The following CDC73 variants were observed in gnomAD, a reference collection of about 807,000 sequenced individuals.
The protein encoded by CDC73 is parafibromin.
Under a neutral mutation model 83.7 loss-of-function variants are expected in CDC73, and 21 were observed. The observed-to-expected ratio is 0.25, with a 90% CI of 0.18 to 0.36. CDC73 has a LOEUF of 0.36. Ranked by LOEUF, CDC73 falls within the 10% of genes least tolerant of loss-of-function variation. CDC73 has a pLI of 1.00. For missense variants in CDC73, 342 were observed against 653.3 expected (o/e 0.52, Z 5.19); for synonymous variants, 224 against 212.9 (o/e 1.05, Z -0.45).
At chr1:193,161,630 ATATAATAT>A (rs1202255505) in intron 10 of CDC73, among the ~76,000 whole-genome samples, 1 of 22,042 alleles carries the variant, frequency 4.5e-5, no homozygotes, top group East Asian at 5.9e-4. Flanking sequence ...TATGATAGAT[ATATAATAT>A]ATTATATAAT....
intron 10 of CDC73, among the ~76,000 whole-genome samples, chr1:193,167,817 A>G (rs916353979): frequency 4.6e-5 from 7 of 151,966 alleles, no homozygotes; most frequent in African/African-American, 1.7e-4. Flanking sequence ...GTGCTTTGCC[A>G]TCTGATTTTA....
At chr1:193,160,636 T>C (rs1178111985) in intron 10 of CDC73, among the ~76,000 whole-genome samples, 2 of 152,120 alleles carry the variant, frequency 1.3e-5, no homozygotes, top group Non-Finnish European at 2.9e-5. Flanking sequence ...TTAAACATAT[T>C]TTATAACTTT....
intron 13 of CDC73, among the ~76,000 whole-genome samples, chr1:193,231,826 C>T (rs1677667694): frequency 6.6e-6 from 1 of 152,070 alleles, no homozygotes; most frequent in Admixed American, 6.5e-5. Context: ...TGCAAGTTCT[C>T]CTGTGCTTTT....
At chr1:193,209,417 T>C (rs563281602) in intron 11 of CDC73, among the ~76,000 whole-genome samples, 15 of 152,350 alleles carry the variant, frequency 9.8e-5, no homozygotes, top group African/African-American at 3.4e-4. Context: ...TAGAAACTAT[T>C]ATCTCTTTTA....
At chr1:193,134,436 C>T (rs560730929) in intron 3 of CDC73, among the ~76,000 whole-genome samples, 11 of 152,010 alleles carry the variant, frequency 7.2e-5, no homozygotes, top group African/African-American at 1.7e-4. Flanking sequence ...TTTGGGAGGC[C>T]GAGGCGGGCG....
intron 15 of CDC73, among the ~76,000 whole-genome samples, chr1:193,240,722 G>A (rs1677842407): frequency 6.6e-6 from 1 of 151,846 alleles, no homozygotes; most frequent in Admixed American, 6.6e-5. Context: ...TAATTGTTGA[G>A]TTTCTTGCAT....
At chr1:193,155,646 G>A (rs1328410486) in intron 10 of CDC73, among the ~76,000 whole-genome samples, 5 of 152,016 alleles carry the variant, frequency 3.3e-5, no homozygotes, top group Admixed American at 3.3e-4. Flanking sequence ...ATGTGATGAC[G>A]TGTGCATGTA....
chr1:193,146,690 G>A (rs1338173135), intron 7 of CDC73, among the ~76,000 whole-genome samples: 1 of 152,116 alleles, frequency 6.6e-6, no homozygotes, highest in East Asian at 1.9e-4. Flanking sequence ...TTTCAACATG[G>A]GTTTTAGAGG....
intron 15 of CDC73, among the ~76,000 whole-genome samples, chr1:193,240,100 A>G (rs1489960919): frequency 6.6e-6 from 1 of 152,148 alleles, no homozygotes; most frequent in African/African-American, 2.4e-5. Flanking sequence ...CATAAAAGTG[A>G]GAACATAGGA....
chr1:193,145,563 C>T (rs1422476635), intron 7 of CDC73, among the ~76,000 whole-genome samples: 1 of 152,020 alleles, frequency 6.6e-6, no homozygotes, highest in Non-Finnish European at 1.5e-5. Context: ...ATGAAATATG[C>T]TATTATGTTT....
intron 7 of CDC73, 89 bp downstream of exon 7, chr1:193,142,155 G>A: frequency 9.0e-7 from 1 of 1,110,162 alleles, no homozygotes; most frequent in Non-Finnish European, 1.4e-6. Flanking sequence ...GTTAAACTTT[G>A]CTTTTAGGTG....
At chr1:193,169,198 A>ACACCCATAC (rs551204459) in intron 10 of CDC73, among the ~76,000 whole-genome samples, 263 of 152,378 alleles carry the variant, frequency 1.7e-3, no homozygotes, top group African/African-American at 6.1e-3. Context: ...CTATTTAAAC[A>ACACCCATAC]CACCCATACC....
intron 13 of CDC73, among the ~76,000 whole-genome samples, chr1:193,215,349 A>G (rs984242070): frequency 4.6e-5 from 7 of 152,174 alleles, no homozygotes; most frequent in Admixed American, 3.3e-4. Flanking sequence ...TCTTATTCCT[A>G]AACAAAAATA....
rs535519594 is a variant in CDC73, at chr1:193,151,919, T to C, written c.908-461T>C. The stretch of plus-strand genomic sequence containing the variant: ...CTGTACTCCAGCCTAGGTGACAGAG[T>C]GAGACCCTGTCTCAAAAGAAAAAAT... On this transcript the variant is annotated intron_variant, in intron 9 of 16. Coordinates refer to ENST00000367435, the MANE Select transcript of CDC73 (RefSeq NM_024529.5). 2.1e-4 allele frequency among the ~76,000 whole-genome samples: 32 copies of C among 152,084 alleles called. No homozygotes were observed. In the South Asian group the frequency reaches 6.0e-3, roughly 29 times the overall value.
intron 14 of CDC73, 46 bp downstream of exon 14, chr1:193,233,200 A>G (rs1203852822): frequency 6.6e-7 from 1 of 1,520,648 alleles, no homozygotes; most frequent in Non-Finnish European, 9.1e-7. Context: ...TGTTGAACCC[A>G]AGAGAATGAA....
rs145259529 is a variant in CDC73, at chr1:193,244,935, T to A, written c.1418-4795T>A. Among the ~76,000 whole-genome samples, 33 of 152,340 alleles carry A rather than the reference T, an allele frequency of 2.2e-4. No homozygotes were observed. In the East Asian group the frequency reaches 5.6e-3, roughly 26 times the overall value. On this transcript the variant is annotated intron_variant, in intron 15 of 16. Coordinates refer to ENST00000367435, the MANE Select transcript of CDC73 (RefSeq NM_024529.5). ...ACTTTGTCTTGGTCACTATGTGTCT[T>A]TAGTGCCTACAATAATGCATAATGT...
chr1:193,237,158 C>T (rs1219757951), intron 15 of CDC73: 1 of 151,798 alleles, frequency 6.6e-6, no homozygotes, highest in African/African-American at 2.4e-5. Flanking sequence ...TCTCAATCTC[C>T]TGACCTTGTG....
At chr1:193,165,836 A>T (rs751501935) in intron 10 of CDC73, among the ~76,000 whole-genome samples, 8 of 152,200 alleles carry the variant, frequency 5.3e-5, no homozygotes, top group Non-Finnish European at 8.8e-5. Flanking sequence ...TTTGGTCTGT[A>T]AGGAACAACC....
chr1:193,128,379 ACCCT>A, intron 2 of CDC73, among the ~76,000 whole-genome samples: 1 of 151,558 alleles, frequency 6.6e-6, no homozygotes, highest in East Asian at 1.9e-4. Flanking sequence ...CCACAGCCTT[ACCCT>A]CCCGGGCTCA....
Sources: gnomAD v4.1 joint callset for allele counts (sites outside exome capture counted in the v4.1 genomes callset) on GRCh38, gnomAD v4.1.1 for gene constraint, MANE v1.5 for transcripts, NCBI Gene and HGNC (gene_info 2026-07-23, HGNC 2026-07-21) for gene names.